Variants in MYO5A observed in about 807,000 individuals in gnomAD.
MYO5A encodes unconventional myosin-Va.
A neutral mutation model predicts 249.7 loss-of-function variants in MYO5A; 98 were observed. The ratio of observed to expected loss-of-function variants is 0.39; its 90% CI spans 0.33 to 0.46. The LOEUF (loss-of-function observed/expected upper bound fraction) is 0.46. Ranked by LOEUF, MYO5A falls within the 20% of genes least tolerant of loss-of-function variation. The pLI is 0.98. For synonymous variants in MYO5A, 778 were observed against 810.6 expected (o/e 0.96, Z 0.68); for missense variants, 1,696 against 2,308.8 (o/e 0.73, Z 5.44).
chr15:52,340,156 G>C lies in MYO5A; in HGVS notation c.4239+40C>G, dbSNP rs758580191. 1.3e-5 allele frequency: 21 copies of C among 1,604,958 alleles called. No homozygotes were observed. The East Asian group carries it at 3.1e-4, about 24-fold the overall frequency. The stretch of plus-strand genomic sequence containing the variant: ...AAAAAGAAACTAGACTGTCGGGCAG[G>C]CTAGGTTAAGAAGCATGTGGACCCG... On this transcript the variant is annotated intron_variant, in intron 32 of 41. Transcript: ENST00000399233.
rs1292830989 is a variant in MYO5A, at chr15:52,376,369, C to T, written c.2398G>A (p.Val800Met). 5 of 1,614,160 alleles carry T rather than the reference C, an allele frequency of 3.1e-6. No homozygotes were observed. Among genetic ancestry groups the T allele is most frequent in the Non-Finnish European group, 4.2e-6 (5 of 1,180,038 alleles). ...RKAAITMQRYVRGYQARCYAK... is the reference protein window; with the variant it reads ...RKAAITMQRYMRGYQARCYAK... ...TACCATCGGGCCTGGTAGCCCCGCA[C>T]GTATCTCTGCATGGTGATGGCTGCC... is the stretch of plus-strand genomic sequence containing the variant. Residue 800 changes from valine (V) to methionine (M), a missense_variant, in exon 19 of 42, where the codon GTG becomes ATG. Val to Met is a conservative substitution (Grantham distance 21). Around this residue, in one of 5 missense-constraint regions of MYO5A, gnomAD observed 412 missense variants for 453.3 expected, o/e 0.91. Coordinates refer to ENST00000399233, the MANE Select transcript of MYO5A (RefSeq NM_001382347.1).
intron 1 of MYO5A, among the ~76,000 whole-genome samples, chr15:52,445,228 C>A (rs1039039781): frequency 6.6e-6 from 1 of 152,098 alleles, no homozygotes. Context: ...CTCGTGAGAT[C>A]TGGGCATTTT....
At chr15:52,340,789 A>T (rs572232393) in intron 31 of MYO5A, among the ~76,000 whole-genome samples, 1 of 152,232 alleles carries the variant, frequency 6.6e-6, no homozygotes. Context: ...TCTACTAAAA[A>T]TACAAAAAAT....
chr15:52,335,027 A>C (rs1030136876), intron 34 of MYO5A, among the ~76,000 whole-genome samples: 1 of 152,256 alleles, frequency 6.6e-6, no homozygotes, highest in Non-Finnish European at 1.5e-5. Context: ...TGGAGGAATG[A>C]AAACCACACT....
intron 1 of MYO5A, among the ~76,000 whole-genome samples, chr15:52,522,354 T>C (rs191568036): frequency 6.6e-6 from 1 of 152,112 alleles, no homozygotes; most frequent in Non-Finnish European, 1.5e-5. Flanking sequence ...CTCAATAAAG[T>C]TGATGAAAGA....
rs3985806 is a variant in MYO5A, at chr15:52,367,870, AACACACACACACACACACAC to A, written c.3067-766_3067-747del. Among the ~76,000 whole-genome samples the A allele has an allele frequency of 5.8e-4, 82 of 141,884 alleles. 1 individual carries two copies. In the East Asian group the frequency reaches 7.4e-3, roughly 13 times the overall value. 93.1% of individuals were successfully genotyped at this position (141,884 alleles called of 152,430 possible). On this transcript the variant is annotated intron_variant, in intron 22 of 41. Coordinates refer to ENST00000399233, the MANE Select transcript of MYO5A (RefSeq NM_001382347.1). ...AAATTTTATGTCATGTATATTTTAA[AACACACACACACACACACAC>A]ACACACACACACACACACACACACA...
At chr15:52,355,469 TAAG>T (rs1373945019) in intron 25 of MYO5A, among the ~76,000 whole-genome samples, 1 of 152,254 alleles carries the variant, frequency 6.6e-6, no homozygotes, top group African/African-American at 2.4e-5. Context: ...GTGTCCCCAC[TAAG>T]AAGAGACTGC....
chr15:52,491,567 G>A (rs1283404464), intron 1 of MYO5A, among the ~76,000 whole-genome samples: 2 of 152,160 alleles, frequency 1.3e-5, no homozygotes, highest in African/African-American at 4.8e-5. Context: ...ACTAAGCCAT[G>A]TATTTTTTAT....
intron 36 of MYO5A, 145 bp from the exon 37 acceptor site, chr15:52,323,589 TTA>T: frequency 3.1e-6 from 2 of 643,692 alleles, no homozygotes; most frequent in African/African-American, 1.8e-5. Context: ...TTGTGAAGTC[TTA>T]TGTCATTGCT....
chr15:52,482,978 G>A (rs931105075), intron 1 of MYO5A, among the ~76,000 whole-genome samples: 3 of 152,276 alleles, frequency 2.0e-5, no homozygotes, highest in South Asian at 2.1e-4. Flanking sequence ...GAATACAGAG[G>A]AAACAACAGG....
chr15:52,416,136 C>G lies in MYO5A; in HGVS notation c.612+9G>C, dbSNP rs201837184. 3 of 1,613,778 alleles carry G rather than the reference C, an allele frequency of 1.9e-6. No homozygotes were observed. Among genetic ancestry groups the G allele is most frequent in the Non-Finnish European group, 2.5e-6 (3 of 1,179,834 alleles). ...ATATAGGAAGAAAGCCGAAGACTCG[C>G]TGTCTTACCTCCATGATGGGGTTGG... is the stretch of plus-strand genomic sequence containing the variant. On this transcript the variant is annotated intron_variant, in intron 5 of 41. Coordinates refer to ENST00000399233, the MANE Select transcript of MYO5A (RefSeq NM_001382347.1).
intron 31 of MYO5A, 129 bp from the exon 32 acceptor site, chr15:52,340,523 G>A: frequency 3.7e-6 from 3 of 802,768 alleles, no homozygotes; most frequent in Non-Finnish European, 6.1e-6. Flanking sequence ...GTTATCTTCT[G>A]ACTTGATTAA....
chr15:52,501,764 T>C (rs1041027018), intron 1 of MYO5A, among the ~76,000 whole-genome samples: 4 of 151,250 alleles, frequency 2.6e-5, no homozygotes, highest in Admixed American at 6.6e-5. Context: ...AAAATGAAAA[T>C]CTCCCAAAAC....
At chr15:52,501,460 G>GC (rs760961353) in intron 1 of MYO5A, among the ~76,000 whole-genome samples, 50 of 152,168 alleles carry the variant, frequency 3.3e-4, no homozygotes, top group Non-Finnish European at 5.3e-4. Flanking sequence ...AATTAGCTGG[G>GC]CGTGGTGGTG....
intron 20 of MYO5A, among the ~76,000 whole-genome samples, chr15:52,374,057 T>C (rs1448624217): frequency 1.3e-5 from 2 of 152,208 alleles, no homozygotes; most frequent in African/African-American, 4.8e-5. Context: ...CTCCTTCTAA[T>C]GGTGATGTCC....
At chr15:52,475,404 C>T (rs1404975412) in intron 1 of MYO5A, among the ~76,000 whole-genome samples, 1 of 152,114 alleles carries the variant, frequency 6.6e-6, no homozygotes, top group Admixed American at 6.6e-5. Context: ...CTGCTCTGAA[C>T]TTAGTTATTT....
chr15:52,487,739 A>G (rs2076852882), intron 1 of MYO5A, among the ~76,000 whole-genome samples: 1 of 152,004 alleles, frequency 6.6e-6, no homozygotes, highest in Admixed American at 6.6e-5. Context: ...AAAAAAAAAA[A>G]AAGTTTTACA....
At chr15:52,447,064 G>A (rs1002665543) in intron 1 of MYO5A, among the ~76,000 whole-genome samples, 7 of 152,156 alleles carry the variant, frequency 4.6e-5, no homozygotes, top group Non-Finnish European at 1.0e-4. Flanking sequence ...ATTTTGCAAT[G>A]TGAGAAGGAC....
At chr15:52,523,961 A>C (rs552530443) in intron 1 of MYO5A, among the ~76,000 whole-genome samples, 1 of 125,344 alleles carries the variant, frequency 8.0e-6, no homozygotes, top group Non-Finnish European at 1.9e-5. Flanking sequence ...CAGTAGTTTG[A>C]AGAGACAGTG....
Sources: allele counts gnomAD v4.1 joint callset (sites outside exome capture counted in the v4.1 genomes callset), GRCh38; gene constraint gnomAD v4.1.1; regional missense constraint gnomAD v4.1.1; transcripts MANE v1.5; gene names NCBI Gene and HGNC (gene_info 2026-07-23, HGNC 2026-07-21).